Variants in ZNF471 observed in about 807,000 individuals in gnomAD.
The protein encoded by ZNF471 is zinc finger protein 471.
In ZNF471, 7 loss-of-function variants were observed where a neutral mutation model predicts 13.7. The ratio of observed to expected loss-of-function variants is 0.51; its 90% CI spans 0.29 to 0.96. The LOEUF (loss-of-function observed/expected upper bound fraction) is 0.96. ZNF471 is among the 40% of genes least tolerant of loss of function. ZNF471 has a pLI of 0.08. For missense variants in ZNF471, 663 were observed against 743.3 expected, an observed-to-expected ratio of 0.89 and a Z score of 1.26; for synonymous variants, 218 against 235.6, an observed-to-expected ratio of 0.93 and a Z score of 0.68.
intron 1 of ZNF471, among the ~76,000 whole-genome samples, chr19:56,509,149 G>A (rs1268422377): frequency 2.0e-5 from 3 of 152,184 alleles, no homozygotes; most frequent in Non-Finnish European, 4.4e-5. Context: ...ATCTAGGCAG[G>A]ATTAGAGGGT....
Position 56,516,323 on chromosome 19 carries a change from T to G in ZNF471, c.82T>G (p.Trp28Gly). The G allele has an allele frequency of 6.2e-7, 1 of 1,613,964 alleles. No homozygotes were observed. Among genetic ancestry groups the G allele is most frequent in the African/African-American group, 1.3e-5 (1 of 75,046 alleles). The change falls in exon 3 of 5, where the codon TGG becomes GGG. Residue 28 changes from tryptophan to glycine, a missense_variant. Coordinates refer to ENST00000308031, the MANE Select transcript of ZNF471 (RefSeq NM_020813.4). This position sits in a 1 kb window ranked among gnomAD's most constrained non-coding sequence, Gnocchi z 4.4. ...DVAIDFSQEE[W>G]QWMNPAQKRL... The stretch of plus-strand genomic sequence containing the variant: ...GGCAATAGATTTTTCCCAGGAAGAA[T>G]GGCAATGGATGAACCCTGCTCAGAA...
Position 56,528,287 on chromosome 19 carries a change from T to C in ZNF471, c.*2339T>C, listed in dbSNP as rs1361667850. The C allele has an allele frequency of 6.6e-6, 1 of 152,162 alleles. No individual in the cohort carries two copies. Among genetic ancestry groups the C allele is most frequent in the African/African-American group, 2.4e-5 (1 of 41,416 alleles). 9.4% of individuals were successfully genotyped at this position (152,162 alleles called of 1,614,324 possible). A position where few individuals can be genotyped will look rare whatever the true frequency, so the allele number is the denominator to read the frequency against. On this transcript the variant is annotated 3_prime_UTR_variant, in exon 5 of 5. Coordinates refer to ENST00000308031, the MANE Select transcript of ZNF471 (RefSeq NM_020813.4). ...TAAAGTGCTTAGCAAAATGACCAAC[T>C]CATACTAAGTGCTTAGTAAATGTTA...
At position 56,526,126 on chromosome 19, in the gene ZNF471, G is replaced by A. The variant is rs555065839; in HGVS notation, c.*178G>A. ...ATCTGCAGTTCCCAGTGAGATCAAC[G>A]CAGAAGGTGGGTGCTTTCTGTATTT... On this transcript the variant is annotated 3_prime_UTR_variant, in exon 5 of 5. Transcript: ENST00000308031. The A allele has an allele frequency of 4.5e-5, 26 of 580,048 alleles. No individual in the cohort carries two copies. Among genetic ancestry groups the A allele is most frequent in the East Asian group, 2.7e-4 (9 of 33,854 alleles). 35.9% of individuals were successfully genotyped at this position (580,048 alleles called of 1,614,324 possible). A position where few individuals can be genotyped will look rare whatever the true frequency, so the allele number is the denominator to read the frequency against.
In ZNF471 at chr19:56,510,484, CTG is replaced by C. The variant is rs2043795132; in HGVS notation, c.-55-1024_-55-1023del. The C allele has an allele frequency of 2.0e-6, 2 of 985,406 alleles. No individual in the cohort carries two copies. The highest frequency in any genetic ancestry group is 1.1e-4 in the East Asian group (1 of 8,802). 61.0% of individuals were successfully genotyped at this position (985,406 alleles called of 1,614,324 possible). A position where few individuals can be genotyped will look rare whatever the true frequency, so the allele number is the denominator to read the frequency against. ...TGAGACAGAGATAAGGGACAGTGAGCTGTGTGTGTGAGAGAAGTAAGATTGGG... is the reference window on the plus strand; with the variant it reads ...TGAGACAGAGATAAGGGACAGTGAGCTGTGTGTGAGAGAAGTAAGATTGGG... On this transcript the variant is annotated intron_variant, in intron 1 of 4. Transcript: ENST00000308031. This position sits in a 1 kb window ranked among gnomAD's most constrained non-coding sequence, Gnocchi z 4.3.
In ZNF471 at chr19:56,525,495, T is replaced by C. The variant is rs142901193; in HGVS notation, c.1428T>C (p.Ser476=). ...TTAGGCAGAATGTACACCTTGTTAGTCATTTGAGAATTCATACTGGTGAAA... is the reference window on the plus strand; with the variant it reads ...TTAGGCAGAATGTACACCTTGTTAGCCATTTGAGAATTCATACTGGTGAAA... ...KAFRQNVHLV[S]HLRIHTGEKP... is the part of the protein sequence containing the mutation. Residue 476 remains serine (S), a synonymous_variant, in exon 5 of 5, where the codon AGT becomes AGC. Transcript: ENST00000308031. 4.3e-3 allele frequency: 6,926 copies of C among 1,614,068 alleles called. 18 individuals are homozygous for C. Among genetic ancestry groups the C allele is most frequent in the Non-Finnish European group, 5.5e-3 (6,549 of 1,180,012 alleles).
chr19:56,525,578 C>CTCATCATCA lies in ZNF471; in HGVS notation c.1517_1518insTCATCATCA (p.His505_Gln506insHisHisHis). Reference sequence around the variant, plus strand: ...TTTAGAATCAGTTCACAGCTGGCTACTCATCAGAGAATTCATACTGGAGAG... The same window carrying CTCATCATCA: ...TTTAGAATCAGTTCACAGCTGGCTACTCATCATCATCATCAGAGAATTCATACTGGAGAG... On this transcript the variant is annotated inframe_insertion, in exon 5 of 5. Transcript: ENST00000308031. 2 of 1,613,600 alleles carry CTCATCATCA rather than the reference C, an allele frequency of 1.2e-6. No homozygotes were observed. The highest frequency in any genetic ancestry group is 1.7e-6 in the Non-Finnish European group (2 of 1,179,892).
chr19:56,525,435 GA>G lies in ZNF471; in HGVS notation c.1371del (p.Lys457AsnfsTer22), dbSNP rs778172247. ...TQHQRVHSGE[K>X]PYECKECGKA... ...AGCATCAAAGAGTACATTCTGGAGAGAAACCGTATGAATGCAAGGAATGTGG... is the reference window on the plus strand; with the variant it reads ...AGCATCAAAGAGTACATTCTGGAGAGAACCGTATGAATGCAAGGAATGTGG... On this transcript the variant is annotated frameshift_variant, in exon 5 of 5. Coordinates refer to ENST00000308031, the MANE Select transcript of ZNF471 (RefSeq NM_020813.4). LOFTEE classifies it low-confidence loss of function (END_TRUNC). 2.5e-6 allele frequency: 4 copies of G among 1,614,018 alleles called. No homozygotes were observed. Among genetic ancestry groups the G allele is most frequent in the Non-Finnish European group, 3.4e-6 (4 of 1,180,046 alleles).
In ZNF471 at chr19:56,525,391, C is replaced by T. The variant is rs763129557; in HGVS notation, c.1324C>T (p.His442Tyr). 2.5e-6 allele frequency: 4 copies of T among 1,614,002 alleles called. No homozygotes were observed. Among genetic ancestry groups the T allele is most frequent in the Non-Finnish European group, 3.4e-6 (4 of 1,179,968 alleles). ...TGATATATGTGGGAAAGATTTTAGC[C>T]ATCATGCATCACTCACTCAGCATCA... ...ECDICGKDFS[H>Y]HASLTQHQRV... The change falls in exon 5 of 5, where the codon CAT becomes TAT. Residue 442 changes from histidine (H) to tyrosine (Y), a missense_variant. By Grantham distance (83) the His-to-Tyr change is moderately conservative. Transcript: ENST00000308031.
In ZNF471 at chr19:56,510,344, G is replaced by A; in HGVS notation, c.-55-1173G>A. ...AAAGAGGGAGAGAAAGACTAGTGATGTGGTTGTGTGAGAGACCAAAATGGG... is the reference window on the plus strand; with the variant it reads ...AAAGAGGGAGAGAAAGACTAGTGATATGGTTGTGTGAGAGACCAAAATGGG... On this transcript the variant is annotated intron_variant, in intron 1 of 4. Coordinates refer to ENST00000308031, the MANE Select transcript of ZNF471 (RefSeq NM_020813.4). The surrounding 1 kb of genome is among the most constrained non-coding windows in gnomAD (Gnocchi z 4.3). 2 of 985,520 alleles carry A rather than the reference G, an allele frequency of 2.0e-6. No individual in the cohort carries two copies. The highest frequency in any genetic ancestry group is 2.4e-6 in the Non-Finnish European group (2 of 829,968). 61.0% of individuals were successfully genotyped at this position (985,520 alleles called of 1,614,324 possible).
intron 4 of ZNF471, among the ~76,000 whole-genome samples, chr19:56,523,192 G>A (rs62123027): frequency 9.2e-5 from 14 of 152,078 alleles, no homozygotes; most frequent in Non-Finnish European, 1.8e-4. Context: ...TTCAAAAGGG[G>A]AAATGGTAAA....
rs1370993416 is a variant in ZNF471 at position 56,524,658 on chromosome 19, G to GA, written c.594dup (p.Val199SerfsTer9). The GA allele has an allele frequency of 1.3e-6, 2 of 1,582,982 alleles. No individual in the cohort carries two copies. Among genetic ancestry groups the GA allele is most frequent in the Non-Finnish European group, 1.7e-6 (2 of 1,171,920 alleles). On this transcript the variant is annotated frameshift_variant, in exon 5 of 5. Coordinates refer to ENST00000308031, the MANE Select transcript of ZNF471 (RefSeq NM_020813.4). LOFTEE classifies it low-confidence loss of function (END_TRUNC). The surrounding 1 kb of genome is among the most constrained non-coding windows in gnomAD (Gnocchi z 4.8). ...AAAATTCTATGGTAATAAAACACAA[G>GA]AAAGTCTATGTAGGAAAGAAGCTTT...
intron 4 of ZNF471, among the ~76,000 whole-genome samples, chr19:56,520,694 A>G (rs1279476611): frequency 6.6e-6 from 1 of 152,128 alleles, no homozygotes; most frequent in Non-Finnish European, 1.5e-5. Context: ...TGCCCCTTCC[A>G]CTGTGTGAGG....
Position 56,524,301 on chromosome 19 carries a change from CA to C in ZNF471, c.257-22del, listed in dbSNP as rs1314474651. On this transcript the variant is annotated intron_variant, in intron 4 of 4. Coordinates refer to ENST00000308031, the MANE Select transcript of ZNF471 (RefSeq NM_020813.4). This position sits in a 1 kb window ranked among gnomAD's most constrained non-coding sequence, Gnocchi z 4.8. ...TGTAGCCCATGATAAAGGGAACATTCACTTTTTTTTAATATCTTTCAGATTG... is the reference window on the plus strand; with the variant it reads ...TGTAGCCCATGATAAAGGGAACATTCCTTTTTTTTAATATCTTTCAGATTG... The C allele has an allele frequency of 3.5e-6, 5 of 1,440,954 alleles. No individual in the cohort carries two copies. The highest frequency in any genetic ancestry group is 4.7e-6 in the Non-Finnish European group (5 of 1,075,170). 89.3% of individuals were successfully genotyped at this position (1,440,954 alleles called of 1,614,324 possible).
chr19:56,518,701 A>G, intron 4 of ZNF471, 124 bp downstream of exon 4: 1 of 691,552 alleles, frequency 1.4e-6, no homozygotes, highest in Non-Finnish European at 2.3e-6. Flanking sequence ...CCTGGAGAGA[A>G]AACTGAAACT....
In ZNF471 at chr19:56,510,808, C is replaced by T. The variant is rs563747665; in HGVS notation, c.-55-709C>T. On this transcript the variant is annotated intron_variant, in intron 1 of 4. Transcript: ENST00000308031. This position sits in a 1 kb window ranked among gnomAD's most constrained non-coding sequence, Gnocchi z 4.3. ...AGGAAATGTGGAATAGAATTCCTGT[C>T]CCCAGTCCAAGGGTTTCAGTAAGAA... 13 of 985,324 alleles carry T rather than the reference C, an allele frequency of 1.3e-5. No individual in the cohort carries two copies. Among genetic ancestry groups the T allele is most frequent in the Admixed American group, 6.1e-5 (1 of 16,268 alleles). 61.0% of individuals were successfully genotyped at this position (985,324 alleles called of 1,614,324 possible).
rs1191708051 is a variant in ZNF471, at chr19:56,510,263, T to C, written c.-55-1254T>C. 2 of 985,348 alleles carry C rather than the reference T, an allele frequency of 2.0e-6. No homozygotes were observed. Among genetic ancestry groups the C allele is most frequent in the African/African-American group, 3.5e-5 (2 of 57,224 alleles). The allele number at this position is 985,348 out of a possible 1,614,324, so 61.0% of individuals were successfully genotyped here. The stretch of plus-strand genomic sequence containing the variant: ...GGAGCATTTGAGTAACTGAGGCCTC[T>C]TTGAAAGATACCATTGAATGTGTAT... On this transcript the variant is annotated intron_variant, in intron 1 of 4. Coordinates refer to ENST00000308031, the MANE Select transcript of ZNF471 (RefSeq NM_020813.4). This position sits in a 1 kb window ranked among gnomAD's most constrained non-coding sequence, Gnocchi z 4.3.
intron 4 of ZNF471, among the ~76,000 whole-genome samples, chr19:56,521,286 CAT>C (rs1279665214): frequency 6.6e-6 from 1 of 152,136 alleles, no homozygotes; most frequent in Non-Finnish European, 1.5e-5. Flanking sequence ...TTATGGACTG[CAT>C]ATAAGACAGT....
At chr19:56,518,427 A>T in intron 3 of ZNF471, 55 bp from the exon 4 acceptor site, 1 of 1,368,304 alleles carries the variant, frequency 7.3e-7, no homozygotes, top group Non-Finnish European at 1.0e-6. Flanking sequence ...ACTGGCTTTT[A>T]GTTCTGAAAT....
At chr19:56,517,144 CTTTT>C (rs145588906) in intron 3 of ZNF471, among the ~76,000 whole-genome samples, 8 of 126,110 alleles carry the variant, frequency 6.3e-5, no homozygotes, top group Admixed American at 1.6e-4. Context: ...CTCTCGCTCT[CTTTT>C]TTTTTTTTTT....
Sources: gnomAD v4.1 joint callset for allele counts (sites outside exome capture counted in the v4.1 genomes callset) on GRCh38, gnomAD v4.1.1 for gene constraint, Gnocchi (gnomAD v3.1) non-coding constraint, MANE v1.5 for transcripts, NCBI Gene and HGNC (gene_info 2026-07-23, HGNC 2026-07-21) for gene names.